The following KIF16B variants were observed in gnomAD, a reference collection of about 807,000 sequenced individuals.
The protein encoded by KIF16B is kinesin-like protein KIF16B.
KIF16B carries 98 observed loss-of-function variants against 156.3 expected under a neutral mutation model. The ratio of observed to expected loss-of-function variants is 0.63; its 90% CI spans 0.53 to 0.74. KIF16B has a LOEUF of 0.74. Ranked by LOEUF, KIF16B falls within the 30% of genes least tolerant of loss-of-function variation. KIF16B has a pLI of 0.00. For synonymous variants in KIF16B, 564 were observed against 583.7 expected (o/e 0.97, Z 0.49); for missense variants, 1,421 against 1,606.5 (o/e 0.88, Z 1.97).
intron 23 of KIF16B, among the ~76,000 whole-genome samples, chr20:16,342,802 C>T (rs1345205622): frequency 6.6e-6 from 1 of 152,172 alleles, no homozygotes; most frequent in African/African-American, 2.4e-5. Context: ...TGATGAGTAT[C>T]ACCAGCAATC....
At chr20:16,287,681 C>T (rs555406986) in intron 25 of KIF16B, among the ~76,000 whole-genome samples, 23 of 152,304 alleles carry the variant, frequency 1.5e-4, no homozygotes, top group South Asian at 6.2e-4. Flanking sequence ...TACAGGGTGA[C>T]GTCCTTGCTC....
chr20:16,282,922 C>A (rs1311810352), intron 25 of KIF16B, among the ~76,000 whole-genome samples: 1 of 152,162 alleles, frequency 6.6e-6, no homozygotes, highest in Non-Finnish European at 1.5e-5. Context: ...AGGACTTTCA[C>A]GAGTCTCCAA....
intron 25 of KIF16B, among the ~76,000 whole-genome samples, chr20:16,280,867 T>TGTGTGTGCGCGC (rs758721339): frequency 6.6e-6 from 1 of 150,788 alleles, no homozygotes; most frequent in African/African-American, 2.4e-5. Context: ...TGTGTGTGTG[T>TGTGTGTGCGCGC]GCGCAGAAAA....
chr20:16,350,460 C>T (rs1259671307), intron 23 of KIF16B, among the ~76,000 whole-genome samples: 2 of 151,856 alleles, frequency 1.3e-5, no homozygotes, highest in Non-Finnish European at 2.9e-5. Context: ...AACAGATGTA[C>T]CCTGCGGGTG....
chr20:16,479,363 G>A (rs193191306), intron 12 of KIF16B, among the ~76,000 whole-genome samples: 5 of 152,184 alleles, frequency 3.3e-5, no homozygotes, highest in East Asian at 3.9e-4. Context: ...TGGAGGCGGC[G>A]GATGGGGCAG....
intron 23 of KIF16B, among the ~76,000 whole-genome samples, chr20:16,353,530 C>A (rs966670137): frequency 2.0e-5 from 3 of 152,202 alleles, no homozygotes; most frequent in African/African-American, 7.2e-5. Flanking sequence ...GGCACTGTTT[C>A]AAGCACTTTA....
intron 17 of KIF16B, among the ~76,000 whole-genome samples, chr20:16,392,965 G>A (rs2065406105): frequency 6.6e-6 from 1 of 152,170 alleles, no homozygotes; most frequent in Non-Finnish European, 1.5e-5. Flanking sequence ...AAATAGTTCT[G>A]AGTGTCTTTA....
intron 3 of KIF16B, among the ~76,000 whole-genome samples, chr20:16,519,403 T>C (rs1347130760): frequency 6.6e-6 from 1 of 152,198 alleles, no homozygotes; most frequent in East Asian, 1.9e-4. Context: ...TGCGCAACAC[T>C]GCACCCAGCT....
chr20:16,545,580 G>T (rs528473371), intron 1 of KIF16B, among the ~76,000 whole-genome samples: 2 of 152,262 alleles, frequency 1.3e-5, no homozygotes, highest in South Asian at 4.2e-4. Flanking sequence ...CAGGAGAATT[G>T]CTTAAACCCG....
chr20:16,484,890 G>T (rs542940617), intron 12 of KIF16B, among the ~76,000 whole-genome samples: 10 of 152,256 alleles, frequency 6.6e-5, no homozygotes, highest in African/African-American at 2.4e-4. Flanking sequence ...AGAAGGCAAA[G>T]GGGCAAGTAA....
intron 25 of KIF16B, among the ~76,000 whole-genome samples, chr20:16,289,052 C>T (rs1360359663): frequency 2.0e-5 from 3 of 152,040 alleles, no homozygotes; most frequent in Non-Finnish European, 2.9e-5. Flanking sequence ...CCTAACCTAC[C>T]AAACATCATG....
At chr20:16,330,266 C>G (rs143654078) in intron 24 of KIF16B, among the ~76,000 whole-genome samples, 2 of 152,300 alleles carry the variant, frequency 1.3e-5, no homozygotes, top group East Asian at 3.9e-4. Context: ...GAGGGGTCTT[C>G]AGTTGACAAG....
intron 15 of KIF16B, among the ~76,000 whole-genome samples, chr20:16,420,014 A>G (rs1396416960): frequency 6.6e-6 from 1 of 152,156 alleles, no homozygotes; most frequent in African/African-American, 2.4e-5. Flanking sequence ...GAATCATCCT[A>G]TAGAATCACA....
At chr20:16,416,056 T>C (rs1047995790) in intron 15 of KIF16B, among the ~76,000 whole-genome samples, 1 of 152,150 alleles carries the variant, frequency 6.6e-6, no homozygotes, top group Non-Finnish European at 1.5e-5. Context: ...CACTTTTTAA[T>C]GTTTATTTTT....
intron 25 of KIF16B, among the ~76,000 whole-genome samples, chr20:16,281,730 C>T (rs1040157804): frequency 2.0e-5 from 3 of 152,248 alleles, no homozygotes; most frequent in Non-Finnish European, 4.4e-5. Context: ...CTCCAAGAAG[C>T]AGTAAGCCAG....
chr20:16,562,190 C>G (rs1365053885), intron 1 of KIF16B, among the ~76,000 whole-genome samples: 1 of 152,036 alleles, frequency 6.6e-6, no homozygotes, highest in Non-Finnish European at 1.5e-5. Flanking sequence ...AAGAAAGAAA[C>G]AAGAGTATTC....
intron 1 of KIF16B, among the ~76,000 whole-genome samples, chr20:16,531,748 T>C (rs1280472515): frequency 1.3e-5 from 2 of 152,124 alleles, no homozygotes; most frequent in Admixed American, 1.3e-4. Context: ...AATCTAAAGC[T>C]AGAAAAGACA....
chr20:16,417,175 C>T (rs562683794), intron 15 of KIF16B, among the ~76,000 whole-genome samples: 27 of 152,280 alleles, frequency 1.8e-4, no homozygotes, highest in South Asian at 4.1e-4. Flanking sequence ...TGCAGGAAAG[C>T]AACCTCACAG....
intron 12 of KIF16B, among the ~76,000 whole-genome samples, chr20:16,474,557 G>C (rs1469472631): frequency 1.3e-5 from 2 of 152,208 alleles, no homozygotes; most frequent in Non-Finnish European, 2.9e-5. Flanking sequence ...GCATCATGTG[G>C]CATAGGTCTG....
Sources: allele counts gnomAD v4.1 joint callset (sites outside exome capture counted in the v4.1 genomes callset), GRCh38; gene constraint gnomAD v4.1.1; transcripts MANE v1.5; gene names NCBI Gene and HGNC (gene_info 2026-07-23, HGNC 2026-07-21).